KDM4B: variants seen among roughly 807,000 people sequenced by gnomAD.
KDM4B encodes lysine-specific demethylase 4B.
KDM4B carries 32 observed loss-of-function variants against 125.2 expected under a neutral mutation model. The ratio of observed to expected loss-of-function variants is 0.26; its 90% CI spans 0.19 to 0.34. KDM4B has a LOEUF of 0.34. KDM4B is among the 10% of genes least tolerant of loss of function. The probability of loss-of-function intolerance (pLI) is 1.00; values close to 1 mark genes in which losing one functional copy is unlikely to be tolerated. For synonymous variants in KDM4B, 721 were observed against 677.9 expected, an observed-to-expected ratio of 1.06 and a Z score of -0.99; for missense variants, 1,190 against 1,577.7, an observed-to-expected ratio of 0.75 and a Z score of 4.16.
At chr19:5,057,042 GT>G (rs1030739108) in intron 6 of KDM4B, among the ~76,000 whole-genome samples, 39 of 137,516 alleles carry the variant, frequency 2.8e-4, no homozygotes, top group African/African-American at 1.1e-3. Flanking sequence ...GTGTGTGTGT[GT>G]GTGTGTGTGT....
In KDM4B at chr19:5,138,086, C is replaced by T. The variant is rs768889952; in HGVS notation, c.2550+16C>T. The T allele has an allele frequency of 1.3e-5, 21 of 1,594,844 alleles. No individual in the cohort carries two copies. Among genetic ancestry groups the T allele is most frequent in the Middle Eastern group, 1.7e-4 (1 of 5,968 alleles). ...GTGGAAGCTGGTAGGTCCTTGCGGTCGAGGCCCACCCTGCCCGTGCCTCTA... is the reference window on the plus strand; with the variant it reads ...GTGGAAGCTGGTAGGTCCTTGCGGTTGAGGCCCACCCTGCCCGTGCCTCTA... On this transcript the variant is annotated intron_variant, in intron 18 of 22. Coordinates refer to ENST00000159111, the MANE Select transcript of KDM4B (RefSeq NM_015015.3).
intron 8 of KDM4B, chr19:5,077,712 A>C: frequency 2.8e-5 from 13 of 466,824 alleles, no homozygotes; most frequent in Admixed American, 3.8e-5. Context: ...ACCAAACCAA[A>C]ACTTCCTCCT....
rs756734360 is a variant in KDM4B at position 5,040,015 on chromosome 19, C to T, written c.317+4C>T. ...GCCGCCTGGCCAACAGCGAGAAGTA[C>T]GCGGGGCGGGCAGGGCGGACCTGAC... On this transcript the variant is annotated splice_donor_region_variant and intron_variant, in intron 4 of 22. Transcript: ENST00000159111. 1.6e-5 allele frequency: 25 copies of T among 1,608,394 alleles called. No individual in the cohort carries two copies. Among genetic ancestry groups the T allele is most frequent in the Non-Finnish European group, 2.0e-5 (24 of 1,176,846 alleles).
chr19:4,995,160 G>A (rs2035159265), intron 1 of KDM4B, among the ~76,000 whole-genome samples: 1 of 152,168 alleles, frequency 6.6e-6, no homozygotes, highest in Non-Finnish European at 1.5e-5. Context: ...TGTCTCGGGA[G>A]CAGGGCTTGG....
At chr19:5,148,539 C>T (rs2039890637) in intron 21 of KDM4B, among the ~76,000 whole-genome samples, 1 of 152,230 alleles carries the variant, frequency 6.6e-6, no homozygotes, top group African/African-American at 2.4e-5. Context: ...TCACTGTGTG[C>T]CACGCCTGCC....
At chr19:5,129,790 GCAGGGCCC>G (rs909803185) in intron 11 of KDM4B, among the ~76,000 whole-genome samples, 13 of 152,336 alleles carry the variant, frequency 8.5e-5, no homozygotes, top group Middle Eastern at 3.4e-3. Context: ...GATGGAGCAG[GCAGGGCCC>G]CAGGGCCCCA....
intron 5 of KDM4B, among the ~76,000 whole-genome samples, chr19:5,042,418 T>G (rs2036847138): frequency 6.6e-6 from 1 of 151,626 alleles, no homozygotes. Flanking sequence ...GAGAATCGCT[T>G]GAACCCGGGA....
intron 20 of KDM4B, 41 bp from the exon 21 acceptor site, chr19:5,144,742 A>C (rs1393932098): frequency 1.9e-6 from 3 of 1,612,308 alleles, no homozygotes; most frequent in East Asian, 4.5e-5. Context: ...CCCCCAGCGT[A>C]GTGTGGCCAG....
chr19:5,107,357 G>A (rs898640834), intron 9 of KDM4B, among the ~76,000 whole-genome samples: 2 of 152,310 alleles, frequency 1.3e-5, no homozygotes, highest in Admixed American at 1.3e-4. Flanking sequence ...TATCTGTCGC[G>A]AGTGCTGACA....
chr19:5,048,609 G>C lies in KDM4B; in HGVS notation c.626+940G>C, dbSNP rs372732734. 5.8e-3 allele frequency among the ~76,000 whole-genome samples: 890 copies of C among 152,204 alleles called. 10 individuals carry two copies. Among genetic ancestry groups the C allele is most frequent in the African/African-American group, 0.02 (813 of 41,494 alleles). ...GGAGTTGTAAGCGGGGAGAGGGGGGGGCGGGGGAGAATGCTGTACCTCTTC... is the reference window on the plus strand; with the variant it reads ...GGAGTTGTAAGCGGGGAGAGGGGGGCGCGGGGGAGAATGCTGTACCTCTTC... On this transcript the variant is annotated intron_variant, in intron 6 of 22. Transcript: ENST00000159111.
At chr19:5,002,709 C>T (rs1475400301) in intron 1 of KDM4B, among the ~76,000 whole-genome samples, 1 of 151,844 alleles carries the variant, frequency 6.6e-6, no homozygotes, top group Middle Eastern at 3.2e-3. Flanking sequence ...ACCTGTAGTC[C>T]CCGGACTGTG....
rs2036754505 is a variant in KDM4B at position 5,040,007 on chromosome 19, G to A, written c.313G>A (p.Glu105Lys). Residue 105 changes from glutamate to lysine, a missense_variant, in exon 4 of 23, where the codon GAG (glutamate) becomes AAG (lysine). By Grantham distance (56) the Glu-to-Lys change is moderately conservative (BLOSUM62 1). Around this residue, in one of 7 missense-constraint regions of KDM4B, gnomAD observed 139 missense variants for 248.3 expected, o/e 0.56. Coordinates refer to ENST00000159111, the MANE Select transcript of KDM4B (RefSeq NM_015015.3). ...VGEYRRLANSEKYCTPRHQDF... is the reference protein window; with the variant it reads ...VGEYRRLANSKKYCTPRHQDF... ...CGAGTACCGCCGCCTGGCCAACAGC[G>A]AGAAGTACGCGGGGCGGGCAGGGCG... 1.9e-6 allele frequency: 3 copies of A among 1,610,202 alleles called. No homozygotes were observed. Among genetic ancestry groups the A allele is most frequent in the Admixed American group, 1.7e-5 (1 of 59,912 alleles).
Position 5,149,204 on chromosome 19 carries a change from C to T in KDM4B, c.3022-1154C>T, listed in dbSNP as rs150346848. Among the ~76,000 whole-genome samples the T allele has an allele frequency of 1.5e-4, 23 of 152,392 alleles. No individual in the cohort carries two copies. In the East Asian group the frequency reaches 2.7e-3, roughly 18 times the overall value. ...GAGGTGCTGCGATCCCGGGCCCCCCCGCTGCACACTACGTGGGGCGTCTAG... is the reference window on the plus strand; with the variant it reads ...GAGGTGCTGCGATCCCGGGCCCCCCTGCTGCACACTACGTGGGGCGTCTAG... On this transcript the variant is annotated intron_variant, in intron 21 of 22. Transcript: ENST00000159111.
intron 5 of KDM4B, among the ~76,000 whole-genome samples, chr19:5,043,414 C>T (rs1050861225): frequency 2.0e-5 from 3 of 146,728 alleles, no homozygotes; most frequent in Non-Finnish European, 3.0e-5. Context: ...CCACCGTATC[C>T]TGCGTGGTGT....
Position 5,082,819 on chromosome 19 carries a change from G to A in KDM4B, c.918+315G>A, listed in dbSNP as rs943556584. 1.3e-5 allele frequency among the ~76,000 whole-genome samples: 2 copies of A among 152,246 alleles called. No individual in the cohort carries two copies. The highest frequency in any genetic ancestry group is 4.8e-5 in the African/African-American group (2 of 41,466). On this transcript the variant is annotated intron_variant, in intron 9 of 22. Transcript: ENST00000159111. This position sits in a 1 kb window ranked among gnomAD's most constrained non-coding sequence, Gnocchi z 5.4. ...CATGGCCGGCTGCTCGGGTCTAGGG[G>A]TTGGGGTGTTTCCTCCACCAGCACC...
intron 7 of KDM4B, among the ~76,000 whole-genome samples, chr19:5,072,989 C>T (rs2037995405): frequency 6.6e-6 from 1 of 152,218 alleles, no homozygotes; most frequent in Non-Finnish European, 1.5e-5. Flanking sequence ...TGTCTCTGGT[C>T]TCCTCACTTT....
intron 10 of KDM4B, among the ~76,000 whole-genome samples, chr19:5,117,852 G>T (rs2039287620): frequency 6.6e-6 from 1 of 152,162 alleles, no homozygotes; most frequent in South Asian, 2.1e-4. Flanking sequence ...CCCGCTTTCT[G>T]CCTTGAGTCA....
rs73919726 is a variant in KDM4B at position 5,077,679 on chromosome 19, G to A, written c.780+209G>A. 9.9e-4 allele frequency: 550 copies of A among 557,038 alleles called. 4 individuals carry two copies. Among genetic ancestry groups the A allele is most frequent in the African/African-American group, 8.6e-3 (451 of 52,726 alleles). The allele number at this position is 557,038 out of a possible 1,614,324, so 34.5% of individuals were successfully genotyped here. The stretch of plus-strand genomic sequence containing the variant: ...GAAGATGGCAGAGCTTGAATCTGGC[G>A]GGGTGTTAACCTCCCCTCCCAAACC... On this transcript the variant is annotated intron_variant, in intron 8 of 22. Transcript: ENST00000159111.
rs1468274861 is a variant in KDM4B at position 5,137,673 on chromosome 19, G to A, written c.2438G>A (p.Arg813Lys). 6.3e-7 allele frequency: 1 copy of A among 1,588,096 alleles called. No homozygotes were observed. Among genetic ancestry groups the A allele is most frequent in the East Asian group, 2.2e-5 (1 of 44,610 alleles). The change falls in exon 17 of 23, where the codon AGG becomes AAG. Residue 813 changes from arginine to lysine, a missense_variant. Coordinates refer to ENST00000159111, the MANE Select transcript of KDM4B (RefSeq NM_015015.3). ...RGGALQMTTD[R>K]RWIHVICAIA... ...GGTGCGCTGCAGATGACCACCGATA[G>A]GAGGTGGGTGGCACCGCGCGTTGGG... is the stretch of plus-strand genomic sequence containing the variant.
Sources: gnomAD v4.1 joint callset for allele counts (sites outside exome capture counted in the v4.1 genomes callset) on GRCh38, gnomAD v4.1.1 for gene constraint, gnomAD v4.1.1 regional missense constraint, Gnocchi (gnomAD v3.1) non-coding constraint, MANE v1.5 for transcripts, NCBI Gene and HGNC (gene_info 2026-07-23, HGNC 2026-07-21) for gene names.